The following ROBO1 variants were observed in gnomAD, a reference collection of about 807,000 sequenced individuals.
The protein encoded by ROBO1 is roundabout guidance receptor 1.
ROBO1 carries 149 observed loss-of-function variants against 195.9 expected under a neutral mutation model. That is an observed-to-expected ratio of 0.76 (90% CI 0.67 to 0.87). ROBO1 has a LOEUF of 0.87. ROBO1 is among the 40% of genes least tolerant of loss of function. The pLI is 0.00. For missense variants in ROBO1, 1,933 were observed against 2,068.3 expected (o/e 0.93, Z 1.27); for synonymous variants, 816 against 733.2 (o/e 1.11, Z -1.82).
At chr3:78,774,974 C>T (rs2083468367) in intron 4 of ROBO1, among the ~76,000 whole-genome samples, 2 of 152,088 alleles carry the variant, frequency 1.3e-5, no homozygotes, top group African/African-American at 4.8e-5. Flanking sequence ...TTAACTTTAC[C>T]TATAATTTCC....
chr3:79,323,532 G>A (rs2034077749), intron 2 of ROBO1, among the ~76,000 whole-genome samples: 1 of 152,092 alleles, frequency 6.6e-6, no homozygotes, highest in Non-Finnish European at 1.5e-5. Context: ...GTTCATGCAT[G>A]CATTTACTAA....
At chr3:78,631,540 C>T (rs1705188578) in intron 24 of ROBO1, among the ~76,000 whole-genome samples, 2 of 152,214 alleles carry the variant, frequency 1.3e-5, no homozygotes, top group Admixed American at 1.3e-4. Context: ...ATGAATGTTT[C>T]AAGTCATATC....
chr3:78,704,084 T>C (rs537663816), intron 8 of ROBO1, among the ~76,000 whole-genome samples: 1 of 152,258 alleles, frequency 6.6e-6, no homozygotes, highest in South Asian at 2.1e-4. Context: ...AACCAAGATC[T>C]TGGATTATAC....
chr3:79,390,890 T>C (rs2036922841), intron 2 of ROBO1, among the ~76,000 whole-genome samples: 1 of 152,106 alleles, frequency 6.6e-6, no homozygotes, highest in Admixed American at 6.6e-5. Context: ...ACTGAACAGC[T>C]GTGTTATGAA....
intron 11 of ROBO1, among the ~76,000 whole-genome samples, chr3:78,669,677 C>T (rs910905903): frequency 1.3e-5 from 2 of 152,054 alleles, no homozygotes; most frequent in Non-Finnish European, 2.9e-5. Flanking sequence ...TATAGTTTTG[C>T]CATTGCAAAA....
chr3:78,962,003 G>T (rs1323453867), intron 3 of ROBO1, among the ~76,000 whole-genome samples: 1 of 151,754 alleles, frequency 6.6e-6, no homozygotes, highest in Non-Finnish European at 1.5e-5. Flanking sequence ...ATAAAATGAG[G>T]TTAATATAGC....
At chr3:79,491,920 GTTATAA>G (rs1160547276) in intron 2 of ROBO1, among the ~76,000 whole-genome samples, 1 of 151,874 alleles carries the variant, frequency 6.6e-6, no homozygotes, top group Non-Finnish European at 1.5e-5. Context: ...CAAATGCCTT[GTTATAA>G]GGCATTTGAC....
At chr3:78,680,313 A>G (rs1238464808) in intron 10 of ROBO1, among the ~76,000 whole-genome samples, 1 of 152,212 alleles carries the variant, frequency 6.6e-6, no homozygotes, top group African/African-American at 2.4e-5. Flanking sequence ...AATGGCAACA[A>G]AAGTCAAAAT....
intron 4 of ROBO1, among the ~76,000 whole-genome samples, chr3:78,881,122 C>T (rs2036153372): frequency 6.6e-6 from 1 of 152,130 alleles, no homozygotes; most frequent in Non-Finnish European, 1.5e-5. Flanking sequence ...AGTAGAGGCT[C>T]AATGCTTCAG....
intron 1 of ROBO1, among the ~76,000 whole-genome samples, chr3:79,730,385 C>T (rs1248227887): frequency 6.6e-6 from 1 of 152,138 alleles, no homozygotes; most frequent in Non-Finnish European, 1.5e-5. Context: ...TATATAGTCA[C>T]TCACTGAATA....
intron 2 of ROBO1, among the ~76,000 whole-genome samples, chr3:79,277,790 TA>T (rs141168797): frequency 0.019 from 2,811 of 149,372 alleles, 98 homozygotes; most frequent in African/African-American, 0.065. Flanking sequence ...ACATTAAAAA[TA>T]AAAAAAAACA....
intron 26 of ROBO1, among the ~76,000 whole-genome samples, chr3:78,623,919 T>G (rs1341741328): frequency 6.6e-6 from 1 of 152,268 alleles, no homozygotes; most frequent in East Asian, 1.9e-4. Context: ...TCAGAAGTCA[T>G]CTACTGATGG....
chr3:79,255,537 C>T (rs77165754), intron 2 of ROBO1, among the ~76,000 whole-genome samples: 10,144 of 152,060 alleles, frequency 0.067, 424 homozygotes, highest in African/African-American at 0.11. Context: ...GAAATCTATT[C>T]GGATTGTTGG....
At chr3:78,898,395 T>G (rs915245981) in intron 4 of ROBO1, among the ~76,000 whole-genome samples, 4 of 139,506 alleles carry the variant, frequency 2.9e-5, no homozygotes, top group Non-Finnish European at 4.7e-5. Context: ...TTTTTTTTTT[T>G]TTTTTTTTTT....
chr3:78,843,163 G>A (rs1462957681), intron 4 of ROBO1, among the ~76,000 whole-genome samples: 1 of 152,000 alleles, frequency 6.6e-6, no homozygotes, highest in Non-Finnish European at 1.5e-5. Context: ...GGTTTCCTGT[G>A]GAGGAGAGCT....
chr3:79,677,826 G>C (rs1324390701), intron 1 of ROBO1, among the ~76,000 whole-genome samples: 3 of 152,096 alleles, frequency 2.0e-5, no homozygotes, highest in Admixed American at 2.0e-4. Context: ...GGTGCTAAAT[G>C]AGAACATAGC....
intron 1 of ROBO1, among the ~76,000 whole-genome samples, chr3:79,705,590 T>C (rs1947745778): frequency 1.3e-5 from 2 of 152,100 alleles, no homozygotes; most frequent in South Asian, 4.1e-4. Flanking sequence ...GTAACATTAT[T>C]GTAAGTTTTG....
chr3:79,528,684 G>C (rs748968313), intron 2 of ROBO1, among the ~76,000 whole-genome samples: 3 of 152,120 alleles, frequency 2.0e-5, no homozygotes, highest in Non-Finnish European at 4.4e-5. Flanking sequence ...TCATTTCTTA[G>C]ACCAAATGGC....
intron 4 of ROBO1, among the ~76,000 whole-genome samples, chr3:78,898,163 T>G (rs1437456644): frequency 6.7e-6 from 1 of 149,524 alleles, no homozygotes; most frequent in Non-Finnish European, 1.5e-5. Flanking sequence ...ATATGTTGAT[T>G]CCCTTTACAA....
Sources: allele counts gnomAD v4.1 joint callset (sites outside exome capture counted in the v4.1 genomes callset), GRCh38; gene constraint gnomAD v4.1.1; transcripts MANE v1.5; gene names NCBI Gene and HGNC (gene_info 2026-07-23, HGNC 2026-07-21).